PALLD: variants seen among roughly 807,000 people sequenced by gnomAD.
The protein encoded by PALLD is palladin, cytoskeletal associated protein.
PALLD carries 61 observed loss-of-function variants against 123.5 expected under a neutral mutation model. The ratio of observed to expected loss-of-function variants is 0.49; its 90% CI spans 0.40 to 0.61. The LOEUF (loss-of-function observed/expected upper bound fraction) is 0.61, where lower values mean the gene tolerates loss of function less well. PALLD is among the 20% of genes least tolerant of loss of function. The pLI is 0.00. For synonymous variants in PALLD, 465 were observed against 496.4 expected (o/e 0.94, Z 0.84); for missense variants, 1,273 against 1,377.0 (o/e 0.92, Z 1.20).
At chr4:168,773,727 T>C (rs1038260074) in intron 10 of PALLD, among the ~76,000 whole-genome samples, 4 of 152,186 alleles carry the variant, frequency 2.6e-5, no homozygotes, top group African/African-American at 7.2e-5. Flanking sequence ...CCTTTTCTTA[T>C]TAATGTCTGT....
At chr4:168,880,923 T>C (rs1176473600) in intron 10 of PALLD, among the ~76,000 whole-genome samples, 6 of 152,242 alleles carry the variant, frequency 3.9e-5, no homozygotes, top group African/African-American at 1.2e-4. Flanking sequence ...CTTTTCTTTT[T>C]TTCTGAGACA....
chr4:168,877,884 C>G (rs1380585367), intron 10 of PALLD: 8 of 1,447,814 alleles, frequency 5.5e-6, no homozygotes, highest in African/African-American at 2.9e-5. Flanking sequence ...CCCGCGTCCC[C>G]GGAGCCCATG....
chr4:168,791,995 AC>A (rs541317364), intron 10 of PALLD, among the ~76,000 whole-genome samples: 63 of 152,330 alleles, frequency 4.1e-4, no homozygotes, highest in African/African-American at 1.4e-3. Flanking sequence ...TTAGTACTGA[AC>A]AGTCATTCCT....
intron 10 of PALLD, among the ~76,000 whole-genome samples, chr4:168,868,461 C>A (rs539311334): frequency 2.7e-4 from 41 of 152,306 alleles, no homozygotes; most frequent in African/African-American, 8.4e-4. Flanking sequence ...TCATTACTTG[C>A]TTGTAAGAAT....
intron 2 of PALLD, among the ~76,000 whole-genome samples, chr4:168,528,011 C>A (rs2149474038): frequency 6.6e-6 from 1 of 152,286 alleles, no homozygotes; most frequent in South Asian, 2.1e-4. Flanking sequence ...GCTTTGTAGT[C>A]CCCAGGTGAT....
intron 10 of PALLD, among the ~76,000 whole-genome samples, chr4:168,813,192 T>G (rs1477141020): frequency 1.3e-5 from 2 of 152,058 alleles, no homozygotes; most frequent in South Asian, 4.1e-4. Context: ...TTATTATAAC[T>G]CCCAGTAAAA....
chr4:168,669,084 G>T (rs1264154955), intron 3 of PALLD, among the ~76,000 whole-genome samples: 5 of 152,206 alleles, frequency 3.3e-5, no homozygotes, highest in Non-Finnish European at 7.3e-5. Context: ...TCCATAAATT[G>T]ATGAGTGCTC....
At chr4:168,831,168 G>T (rs1307200101) in intron 10 of PALLD, among the ~76,000 whole-genome samples, 1 of 152,204 alleles carries the variant, frequency 6.6e-6, no homozygotes, top group Non-Finnish European at 1.5e-5. Context: ...CTGATCTGGT[G>T]AAAGAAAAGT....
chr4:168,726,070 A>G (rs1581165464), intron 10 of PALLD, among the ~76,000 whole-genome samples: 1 of 152,228 alleles, frequency 6.6e-6, no homozygotes, highest in African/African-American at 2.4e-5. Context: ...ATTACTCATG[A>G]TGAAGCATTC....
At chr4:168,796,193 G>GC (rs780538037) in intron 10 of PALLD, among the ~76,000 whole-genome samples, 2 of 151,866 alleles carry the variant, frequency 1.3e-5, no homozygotes. Flanking sequence ...CTCCCACCTT[G>GC]CCCCCCACTG....
intron 10 of PALLD, chr4:168,877,776 C>A (rs1581867987): frequency 8.4e-7 from 1 of 1,197,380 alleles, no homozygotes; most frequent in Non-Finnish European, 1.0e-6. Flanking sequence ...GAGCAGGAGG[C>A]CGGCGCTCGG....
At chr4:168,715,227 C>A (rs1320283404) in intron 10 of PALLD, among the ~76,000 whole-genome samples, 5 of 152,146 alleles carry the variant, frequency 3.3e-5, no homozygotes, top group African/African-American at 4.8e-5. Context: ...ATCGTGGACG[C>A]ATCCACTTCA....
chr4:168,498,019 C>A (rs565221826), intron 1 of PALLD, among the ~76,000 whole-genome samples: 1 of 152,332 alleles, frequency 6.6e-6, no homozygotes, highest in South Asian at 2.1e-4. Context: ...TATTACAAAT[C>A]TATTCAATCA....
chr4:168,900,405 A>C (rs1245768975), intron 14 of PALLD, among the ~76,000 whole-genome samples: 1 of 152,250 alleles, frequency 6.6e-6, no homozygotes, highest in Non-Finnish European at 1.5e-5. Flanking sequence ...AATTTTAAAA[A>C]GAATGGAAAC....
intron 10 of PALLD, among the ~76,000 whole-genome samples, chr4:168,859,713 A>G (rs1215365277): frequency 6.6e-6 from 1 of 152,186 alleles, no homozygotes; most frequent in Non-Finnish European, 1.5e-5. Flanking sequence ...AACAGACAGT[A>G]ACCCTTGTGA....
chr4:168,697,418 A>G (rs1783238068), intron 8 of PALLD, among the ~76,000 whole-genome samples: 2 of 152,238 alleles, frequency 1.3e-5, no homozygotes, highest in African/African-American at 4.8e-5. Flanking sequence ...ATCAGGAATG[A>G]AGGGCAAGTT....
intron 10 of PALLD, among the ~76,000 whole-genome samples, chr4:168,713,172 G>A (rs1306324584): frequency 6.6e-6 from 1 of 152,158 alleles, no homozygotes; most frequent in Non-Finnish European, 1.5e-5. Flanking sequence ...AGACAGTAGG[G>A]CTACTCACTA....
chr4:168,843,676 G>A (rs1189201617), intron 10 of PALLD, among the ~76,000 whole-genome samples: 2 of 152,162 alleles, frequency 1.3e-5, no homozygotes, highest in African/African-American at 2.4e-5. Flanking sequence ...AGACATGGTG[G>A]TGATCGCATG....
intron 10 of PALLD, among the ~76,000 whole-genome samples, chr4:168,821,454 T>C (rs995504423): frequency 6.6e-6 from 1 of 152,160 alleles, no homozygotes; most frequent in Admixed American, 6.5e-5. Flanking sequence ...CAAGTATATG[T>C]ATGTGTGTGT....
Sources: gnomAD v4.1 joint callset for allele counts (sites outside exome capture counted in the v4.1 genomes callset) on GRCh38, gnomAD v4.1.1 for gene constraint, MANE v1.5 for transcripts, NCBI Gene and HGNC (gene_info 2026-07-23, HGNC 2026-07-21) for gene names.